The following CCNH variants were observed in gnomAD, a reference collection of about 807,000 sequenced individuals.
CCNH encodes cyclin-H.
A neutral mutation model predicts 41.9 loss-of-function variants in CCNH; 31 were observed. That is an observed-to-expected ratio of 0.74 (90% CI 0.56 to 1.00). CCNH has a LOEUF of 1.00. Among genes scored for constraint, CCNH ranks in the 50% least tolerant of loss-of-function variants. The pLI, the probability that CCNH is intolerant of heterozygous loss-of-function variation, is 0.00. For missense variants in CCNH, 362 were observed against 388.4 expected, an observed-to-expected ratio of 0.93 and a Z score of 0.57; for synonymous variants, 138 against 136.1, an observed-to-expected ratio of 1.01 and a Z score of -0.10.
At chr5:87,326,144 G>A (rs1757215088) in intron 9 of CCNH, among the ~76,000 whole-genome samples, 1 of 151,998 alleles carries the variant, frequency 6.6e-6, no homozygotes, top group Non-Finnish European at 1.5e-5. Context: ...GCTAATTTTT[G>A]TATTTTTTGT....
downstream of CCNH, among the ~76,000 whole-genome samples, chr5:87,375,406 G>A (rs913350057): frequency 2.0e-5 from 3 of 151,894 alleles, no homozygotes; most frequent in South Asian, 2.1e-4. Flanking sequence ...GACTACAGGC[G>A]CCCGCCACCA....
chr5:87,346,709 A>G lies in CCNH; in HGVS notation c.*91-27812T>C. The G allele has an allele frequency of 4.5e-6, 7 of 1,551,666 alleles. No individual in the cohort carries two copies. In the South Asian group the frequency reaches 7.8e-5, roughly 17 times the overall value. ...GAAGATTTCCAAACAGGAAGCTTAT[A>G]ATTTACTAATGACAGGTACTTACAT... On this transcript the variant is annotated intron_variant and NMD_transcript_variant, in intron 9 of 9. Transcript: ENST00000645953.
downstream of CCNH, chr5:87,372,168 A>G: frequency 6.2e-7 from 1 of 1,613,734 alleles, no homozygotes; most frequent in Middle Eastern, 1.7e-4. Flanking sequence ...AAAGTAGTCC[A>G]GGGACATCCA....
intron 9 of CCNH, among the ~76,000 whole-genome samples, chr5:87,340,718 A>G (rs940229787): frequency 4.6e-5 from 7 of 152,164 alleles, no homozygotes; most frequent in African/African-American, 1.7e-4. Flanking sequence ...AGCATTTGAG[A>G]TAGTTCCTTC....
chr5:87,387,094 CTAAA>C (rs1403745603), downstream of CCNH, among the ~76,000 whole-genome samples: 1 of 152,124 alleles, frequency 6.6e-6, no homozygotes, highest in Non-Finnish European at 1.5e-5. Context: ...TATTCTTACA[CTAAA>C]TAGTTTACAC....
chr5:87,322,128 G>A (rs1466830882), intron 9 of CCNH, among the ~76,000 whole-genome samples: 8 of 152,070 alleles, frequency 5.3e-5, no homozygotes, highest in African/African-American at 9.7e-5. Context: ...CCTCCCCTGT[G>A]GTAATGAGTT....
At chr5:87,391,567 A>C (rs1367093638), downstream of CCNH, 1 of 236,154 alleles carries the variant, frequency 4.2e-6, no homozygotes, top group African/African-American at 2.2e-5. Flanking sequence ...TTTAGATCTC[A>C]TAATGCTTTG....
chr5:87,379,901 GA>G, upstream of CCNH: 1 of 1,561,794 alleles, frequency 6.4e-7, no homozygotes. Flanking sequence ...TATGTCTTCA[GA>G]AATTTCTATT....
upstream of CCNH, among the ~76,000 whole-genome samples, chr5:87,378,051 T>C: frequency 6.6e-6 from 1 of 152,192 alleles, no homozygotes; most frequent in East Asian, 1.9e-4. Context: ...TTTCAAAGCA[T>C]GGGGTCAATG....
chr5:87,328,315 C>T (rs1757379098), intron 9 of CCNH, among the ~76,000 whole-genome samples: 1 of 29,914 alleles, frequency 3.3e-5, no homozygotes, highest in South Asian at 1.6e-3. Context: ...TTCTAGATTC[C>T]AGTTGAATTT....
In CCNH at chr5:87,394,386, C is replaced by T. The variant is rs3093857; in HGVS notation, c.*60G>A. The T allele has an allele frequency of 3.9e-5, 62 of 1,573,460 alleles. No homozygotes were observed. The African/African-American group carries it at 6.7e-4, about 17-fold the overall frequency. On this transcript the variant is annotated 3_prime_UTR_variant, in exon 9 of 9. Transcript: ENST00000256897. ...ATTATACTTTTTAAATAAAGTTAAA[C>T]GTTTGATATGCTTCCTACTTCTCTT... is the stretch of plus-strand genomic sequence containing the variant.
chr5:87,389,129 T>C (rs953078942), downstream of CCNH, among the ~76,000 whole-genome samples: 5 of 152,124 alleles, frequency 3.3e-5, no homozygotes, highest in Non-Finnish European at 7.3e-5. Flanking sequence ...TATACCCAAT[T>C]AGAATCTTTT....
At chr5:87,333,028 T>G (rs1757707335) in intron 9 of CCNH, among the ~76,000 whole-genome samples, 1 of 152,116 alleles carries the variant, frequency 6.6e-6, no homozygotes, top group Non-Finnish European at 1.5e-5. Context: ...AATGAAATGA[T>G]CATTCATATT....
At chr5:87,395,692 C>T (rs970571787) in intron 7 of CCNH, among the ~76,000 whole-genome samples, 4 of 151,992 alleles carry the variant, frequency 2.6e-5, no homozygotes, top group Admixed American at 6.6e-5. Context: ...AGCAATGTGG[C>T]GAAACCTCGT....
downstream of CCNH, chr5:87,374,979 CAATG>C: frequency 6.5e-7 from 1 of 1,530,044 alleles, no homozygotes. Context: ...TCAAAATTCA[CAATG>C]AAAGTCTTAA....
At chr5:87,376,511 A>G in exon 1 of CCNH, 2 of 1,614,112 alleles carry the variant, frequency 1.2e-6, no homozygotes, top group Non-Finnish European at 1.7e-6. Flanking sequence ...GTGTTCGAGC[A>G]CGATACTCTA....
chr5:87,324,941 C>T (rs1757112403), intron 9 of CCNH, among the ~76,000 whole-genome samples: 1 of 151,906 alleles, frequency 6.6e-6, no homozygotes, highest in Admixed American at 6.6e-5. Context: ...AAATCAGTTG[C>T]TTTTTTAATT....
chr5:87,391,145 T>C (rs1762485345), downstream of CCNH: 7 of 572,862 alleles, frequency 1.2e-5, no homozygotes, highest in South Asian at 2.1e-5. Flanking sequence ...ACAGACCACC[T>C]TTCACAAAAC....
intron 9 of CCNH, among the ~76,000 whole-genome samples, chr5:87,321,910 A>C (rs1053499857): frequency 2.0e-5 from 3 of 152,240 alleles, no homozygotes; most frequent in African/African-American, 7.2e-5. Flanking sequence ...GCCTTGGTGC[A>C]GATGAAAGGA....
Sources: allele counts gnomAD v4.1 joint callset (sites outside exome capture counted in the v4.1 genomes callset), GRCh38; gene constraint gnomAD v4.1.1; transcripts MANE v1.5; gene names NCBI Gene and HGNC (gene_info 2026-07-23, HGNC 2026-07-21).